The following MTBP variants were observed in gnomAD, a reference collection of about 807,000 sequenced individuals.
The protein encoded by MTBP is mdm2-binding protein.
In MTBP, 101 loss-of-function variants were observed where a neutral mutation model predicts 117.0. The observed-to-expected ratio is 0.86, with a 90% CI of 0.73 to 1.02. The LOEUF (loss-of-function observed/expected upper bound fraction) is 1.02, where lower values mean the gene tolerates loss of function less well. Among genes scored for constraint, MTBP ranks in the 50% least tolerant of loss-of-function variants. The pLI is 0.00. For missense variants in MTBP, 970 were observed against 1,030.9 expected, an observed-to-expected ratio of 0.94 and a Z score of 0.81; for synonymous variants, 350 against 351.5, an observed-to-expected ratio of 1.00 and a Z score of 0.05.
In MTBP at chr8:120,490,553, C is replaced by T. The variant is rs1030461815; in HGVS notation, c.1430C>T (p.Ala477Val). The change falls in exon 13 of 22, where the codon GCT becomes GTT. Residue 477 changes from alanine to valine, a missense_variant. Physicochemically the swap from Ala to Val is moderately conservative, Grantham distance 64 (BLOSUM62 0). Transcript: ENST00000305949. ...CAGTTAGCTAATGTTCAAGTTTTAGCTTTGGAAGAATGCCTAAGTAAGTAA... is the reference window on the plus strand; with the variant it reads ...CAGTTAGCTAATGTTCAAGTTTTAGTTTTGGAAGAATGCCTAAGTAAGTAA... Reference protein sequence around the residue: ...EKQLANVQVLALEECLKRRKL... With the variant: ...EKQLANVQVLVLEECLKRRKL... 2.5e-6 allele frequency: 4 copies of T among 1,600,148 alleles called. No homozygotes were observed. Among genetic ancestry groups the T allele is most frequent in the Non-Finnish European group, 3.4e-6 (4 of 1,174,360 alleles).
chr8:120,455,686 A>G, intron 6 of MTBP, 107 bp downstream of exon 6: 1 of 1,099,076 alleles, frequency 9.1e-7, no homozygotes, highest in Middle Eastern at 2.5e-4. Flanking sequence ...TTAATATGAC[A>G]ACATAAAATT....
Position 120,495,755 on chromosome 8 carries a change from T to C in MTBP, c.1448-1638T>C, listed in dbSNP as rs373407450. 7.2e-5 allele frequency among the ~76,000 whole-genome samples: 11 copies of C among 152,266 alleles called. No individual in the cohort carries two copies. In the South Asian group the frequency reaches 8.3e-4, roughly 11 times the overall value. On this transcript the variant is annotated intron_variant, in intron 13 of 21. Coordinates refer to ENST00000305949, the MANE Select transcript of MTBP (RefSeq NM_022045.5). ...TAATTTTAGAGTCATTTTTTGTTCATTGATTTTTTTTTCTTTATCAAAGCA... is the reference window on the plus strand; with the variant it reads ...TAATTTTAGAGTCATTTTTTGTTCACTGATTTTTTTTTCTTTATCAAAGCA...
intron 16 of MTBP, 85 bp downstream of exon 16, chr8:120,506,946 G>A (rs1814698938): frequency 1.7e-6 from 2 of 1,178,340 alleles, no homozygotes. Flanking sequence ...ATTAATTGAT[G>A]TCCTATGCTA....
chr8:120,460,527 G>A (rs1586941998), intron 8 of MTBP, among the ~76,000 whole-genome samples: 1 of 152,066 alleles, frequency 6.6e-6, no homozygotes, highest in African/African-American at 2.4e-5. Context: ...GAAGCACCGT[G>A]GCTCCAACTA....
At chr8:120,451,375 T>G in intron 4 of MTBP, 53 bp downstream of exon 4, 1 of 1,393,086 alleles carries the variant, frequency 7.2e-7, no homozygotes, top group Non-Finnish European at 1.0e-6. Flanking sequence ...ATTAGACAGT[T>G]ATTTTAATCC....
intron 10 of MTBP, among the ~76,000 whole-genome samples, chr8:120,469,058 G>C (rs1813760620): frequency 6.6e-6 from 1 of 151,818 alleles, no homozygotes. Flanking sequence ...TTTTTGTTTT[G>C]TTTTTGAGAT....
chr8:120,489,433 T>C (rs895639003), intron 12 of MTBP, among the ~76,000 whole-genome samples: 3 of 152,170 alleles, frequency 2.0e-5, no homozygotes, highest in East Asian at 3.9e-4. Flanking sequence ...AGTGTCACGT[T>C]TACGTTACAT....
intron 11 of MTBP, among the ~76,000 whole-genome samples, chr8:120,482,037 A>G (rs1169064974): frequency 1.3e-5 from 2 of 152,194 alleles, no homozygotes; most frequent in Admixed American, 6.5e-5. Flanking sequence ...CCAGCTGCAA[A>G]TTAGAATCAC....
In MTBP at chr8:120,471,111, A is replaced by G; in HGVS notation, c.1165+174A>G. 4 of 535,822 alleles carry G rather than the reference A, an allele frequency of 7.5e-6. 1 individual carries two copies. In the Middle Eastern group the frequency reaches 2.0e-3, roughly 268 times the overall value. The allele number at this position is 535,822 out of a possible 1,614,324, so 33.2% of individuals were successfully genotyped here. ...TTAATTGCAACCTACTGTAACATAA[A>G]GTATCTCTAACCATATTCATTTAAA... On this transcript the variant is annotated intron_variant, in intron 11 of 21. Coordinates refer to ENST00000305949, the MANE Select transcript of MTBP (RefSeq NM_022045.5).
intron 11 of MTBP, among the ~76,000 whole-genome samples, chr8:120,475,842 T>G (rs1813923072): frequency 6.6e-6 from 1 of 152,010 alleles, no homozygotes; most frequent in Admixed American, 6.6e-5. Flanking sequence ...AGATATTTTA[T>G]GAAATTGTCA....
intron 15 of MTBP, 70 bp from the exon 16 acceptor site, chr8:120,506,636 T>G: frequency 1.6e-6 from 2 of 1,237,454 alleles, no homozygotes; most frequent in Non-Finnish European, 2.1e-6. Flanking sequence ...TGCTTTTTTT[T>G]TTTTTTGACT....
At chr8:120,488,993 C>T (rs190659653) in intron 12 of MTBP, among the ~76,000 whole-genome samples, 1 of 150,670 alleles carries the variant, frequency 6.6e-6, no homozygotes, top group East Asian at 2.0e-4. Context: ...GCTTTCCTCA[C>T]AGCTAGCTTG....
chr8:120,453,245 G>A (rs575579521), intron 4 of MTBP, among the ~76,000 whole-genome samples: 2 of 152,144 alleles, frequency 1.3e-5, no homozygotes, highest in Non-Finnish European at 2.9e-5. Context: ...GAGCCCAGGA[G>A]TTTGAGACCA....
At chr8:120,488,119 G>C in intron 11 of MTBP, 40 bp from the exon 12 acceptor site, 1 of 1,516,968 alleles carries the variant, frequency 6.6e-7, no homozygotes, top group Non-Finnish European at 8.9e-7. Flanking sequence ...GTTGTGTGCT[G>C]AATTTTCACA....
At chr8:120,514,596 A>T (rs868335789) in intron 17 of MTBP, among the ~76,000 whole-genome samples, 1 of 152,068 alleles carries the variant, frequency 6.6e-6, no homozygotes. Flanking sequence ...TTACATAGAG[A>T]TAGTATACCA....
chr8:120,472,923 AAGAACATGGCT>A (rs1813850733), intron 11 of MTBP: 4 of 152,170 alleles, frequency 2.6e-5, no homozygotes, highest in Admixed American at 2.6e-4. Context: ...ACAATACATA[AAGAACATGGCT>A]AGAGAAGAGA....
chr8:120,478,857 A>G (rs982570754), intron 11 of MTBP, among the ~76,000 whole-genome samples: 2 of 152,158 alleles, frequency 1.3e-5, no homozygotes, highest in African/African-American at 4.8e-5. Flanking sequence ...GCTACGGAAT[A>G]CTATGCAGCC....
chr8:120,484,896 A>C (rs1814177348), intron 11 of MTBP, among the ~76,000 whole-genome samples: 1 of 152,206 alleles, frequency 6.6e-6, no homozygotes, highest in Non-Finnish European at 1.5e-5. Flanking sequence ...ATGGAAGTGT[A>C]ATCATATAGT....
intron 10 of MTBP, among the ~76,000 whole-genome samples, chr8:120,469,827 A>G (rs1311546369): frequency 6.6e-6 from 1 of 152,248 alleles, no homozygotes; most frequent in Non-Finnish European, 1.5e-5. Flanking sequence ...CAACAGTGCA[A>G]AAACCACAAT....
Sources: gnomAD v4.1 joint callset for allele counts (sites outside exome capture counted in the v4.1 genomes callset) on GRCh38, gnomAD v4.1.1 for gene constraint, MANE v1.5 for transcripts, NCBI Gene and HGNC (gene_info 2026-07-23, HGNC 2026-07-21) for gene names.